Variants in ZNF765 observed in about 807,000 individuals in gnomAD.
ZNF765 encodes the protein zinc finger protein 765.
ZNF765 carries 37 observed loss-of-function variants against 44.7 expected under a neutral mutation model. The observed-to-expected ratio is 0.83, with a 90% confidence interval of 0.64 to 1.09. ZNF765 has a LOEUF of 1.09. ZNF765 is among the 50% of genes least tolerant of loss of function. The pLI, the probability that ZNF765 is intolerant of heterozygous loss-of-function variation, is 0.00. For synonymous variants in ZNF765, 201 were observed against 213.7 expected, an observed-to-expected ratio of 0.94 and a Z score of 0.52; for missense variants, 594 against 626.1, an observed-to-expected ratio of 0.95 and a Z score of 0.55.
At position 53,410,539 on chromosome 19, in the gene ZNF765, C is replaced by T. The variant is rs1235512561; in HGVS notation, c.*1412C>T. On this transcript the variant is annotated 3_prime_UTR_variant, in exon 4 of 4. Coordinates refer to ENST00000396408, the MANE Select transcript of ZNF765 (RefSeq NM_001040185.3). ...ATGAATGTGACAGGTCTTTAGTGGGCAGTCAACACTTGTTTACCATCAGGC... is the reference window on the plus strand; with the variant it reads ...ATGAATGTGACAGGTCTTTAGTGGGTAGTCAACACTTGTTTACCATCAGGC... The T allele has an allele frequency of 2.4e-5, 10 of 414,702 alleles. No homozygotes were observed. Among genetic ancestry groups the T allele is most frequent in the Non-Finnish European group, 4.8e-5 (10 of 206,524 alleles). 25.7% of individuals were successfully genotyped at this position (414,702 alleles called of 1,614,324 possible).
chr19:53,409,417 A>C lies in ZNF765; in HGVS notation c.*290A>C. 1.2e-6 allele frequency: 1 copy of C among 844,814 alleles called. No individual in the cohort carries two copies. The highest frequency in any genetic ancestry group is 2.1e-6 in the Non-Finnish European group (1 of 484,826). 52.3% of individuals were successfully genotyped at this position (844,814 alleles called of 1,614,324 possible). On this transcript the variant is annotated 3_prime_UTR_variant, in exon 4 of 4. Transcript: ENST00000396408. ...TTTCTGTTTCAAATCCAACCTTGAA[A>C]GACATAGGAGAATTCACACTGGTGA...
chr19:53,412,205 T>C (rs1200237019), downstream of ZNF765, among the ~76,000 whole-genome samples: 1 of 152,244 alleles, frequency 6.6e-6, no homozygotes, highest in Non-Finnish European at 1.5e-5. Context: ...ATTTCCTTTC[T>C]ATCTATTTTG....
At chr19:53,397,075 T>G (rs2708718) in intron 1 of ZNF765, among the ~76,000 whole-genome samples, 4 of 152,262 alleles carry the variant, frequency 2.6e-5, no homozygotes, top group Admixed American at 6.5e-5. Context: ...AAAACCAGCC[T>G]CTAAAGAGGG....
Position 53,409,574 on chromosome 19 carries a change from C to G in ZNF765, c.*447C>G. 1.4e-6 allele frequency: 2 copies of G among 1,414,024 alleles called. No homozygotes were observed. The highest frequency in any genetic ancestry group is 1.0e-6 in the Non-Finnish European group (1 of 1,004,412). 87.6% of individuals were successfully genotyped at this position (1,414,024 alleles called of 1,614,324 possible). A position where few individuals can be genotyped will look rare whatever the true frequency, so the allele number is the denominator to read the frequency against. ...TTTGAGTTTTCCATTTCAAATCAAACCTTGAAAGACAAAGGAGAATTCATA... is the reference window on the plus strand; with the variant it reads ...TTTGAGTTTTCCATTTCAAATCAAAGCTTGAAAGACAAAGGAGAATTCATA... On this transcript the variant is annotated 3_prime_UTR_variant, in exon 4 of 4. Transcript: ENST00000396408.
chr19:53,401,891 G>T, intron 2 of ZNF765, 174 bp from the exon 3 acceptor site: 7 of 1,368,138 alleles, frequency 5.1e-6, no homozygotes, highest in East Asian at 2.4e-5. Context: ...AAAAAAAAAA[G>T]AACTTTAGTA....
rs1447036658 is a variant in ZNF765, at chr19:53,408,240, C to G, written c.685C>G (p.Leu229Val). ...DSGKAYNCSSLLRKHQLIHLG... is the reference protein window; with the variant it reads ...DSGKAYNCSSVLRKHQLIHLG... ...TGGCAAAGCCTATAATTGTAGCTCA[C>G]TCTTAAGGAAACATCAGTTAATCCA... The change falls in exon 4 of 4, where the codon CTC becomes GTC. Residue 229 changes from leucine to valine, a missense_variant. By Grantham distance (32) the Leu-to-Val change is conservative. Around this residue, in one of 2 missense-constraint regions of ZNF765, gnomAD observed 567 missense variants for 572.6 expected, o/e 0.99. Transcript: ENST00000396408. The G allele has an allele frequency of 6.2e-7, 1 of 1,614,224 alleles. No individual in the cohort carries two copies. The highest frequency in any genetic ancestry group is 2.2e-5 in the East Asian group (1 of 44,882).
At chr19:53,400,507 G>A (rs1568775043) in intron 2 of ZNF765, among the ~76,000 whole-genome samples, 3 of 151,988 alleles carry the variant, frequency 2.0e-5, no homozygotes, top group South Asian at 4.1e-4. Context: ...AACTGCCAAT[G>A]TATCCTTTTG....
exon 4 of ZNF765, chr19:53,425,527 G>C (rs1463944608): frequency 6.6e-6 from 1 of 152,268 alleles, no homozygotes. Flanking sequence ...TCTCAGGCTG[G>C]TCTCAAACTC....
At chr19:53,418,297 C>G (rs1568787939) in intron 3 of ZNF765, among the ~76,000 whole-genome samples, 1 of 151,832 alleles carries the variant, frequency 6.6e-6, no homozygotes, top group Non-Finnish European at 1.5e-5. Flanking sequence ...GCTATTCGGG[C>G]CACTGCATTC....
chr19:53,400,374 A>G (rs1050222500), intron 2 of ZNF765, among the ~76,000 whole-genome samples: 1 of 152,058 alleles, frequency 6.6e-6, no homozygotes, highest in African/African-American at 2.4e-5. Context: ...GCCTCTGTGC[A>G]CACCCGCGTT....
chr19:53,403,626 C>G (rs1453329168), intron 3 of ZNF765, among the ~76,000 whole-genome samples: 1 of 152,162 alleles, frequency 6.6e-6, no homozygotes, highest in African/African-American at 2.4e-5. Context: ...GGCAAATCAC[C>G]TGAGGTCAGG....
intron 1 of ZNF765, among the ~76,000 whole-genome samples, chr19:53,396,038 T>C (rs1382716291): frequency 6.9e-6 from 1 of 145,594 alleles, no homozygotes; most frequent in South Asian, 2.1e-4. Flanking sequence ...TGGAGAAATG[T>C]AGAGAAAAGG....
Position 53,400,783 on chromosome 19 carries a change from T to TATATATATATATATATATATAC in ZNF765, c.16-1281_16-1280insTATATATATATATATATATACA, listed in dbSNP as rs10664389. On this transcript the variant is annotated intron_variant, in intron 2 of 3. Coordinates refer to ENST00000396408, the MANE Select transcript of ZNF765 (RefSeq NM_001040185.3). ...GTTGACATATATATATATATATATA[T>TATATATATATATATATATATAC]ACACACATACATAAAATGGATTTTC... Among the ~76,000 whole-genome samples the TATATATATATATATATATATAC allele has an allele frequency of 6.0e-3, 764 of 126,566 alleles. 4 individuals carry two copies. Among genetic ancestry groups the TATATATATATATATATATATAC allele is most frequent in the Non-Finnish European group, 9.9e-3 (598 of 60,682 alleles). The allele number at this position is 126,566 out of a possible 152,430, so 83.0% of individuals were successfully genotyped here.
At chr19:53,401,391 G>A (rs111332626) in intron 2 of ZNF765, among the ~76,000 whole-genome samples, 7,767 of 151,886 alleles carry the variant, frequency 0.051, 224 homozygotes, top group African/African-American at 0.076. Context: ...GTGAAACCCC[G>A]TCTCTACTAA....
In ZNF765 at chr19:53,405,332, A is replaced by G. The variant is rs574814050; in HGVS notation, c.143-2366A>G. Among the ~76,000 whole-genome samples the G allele has an allele frequency of 2.6e-5, 4 of 152,268 alleles. No homozygotes were observed. In the South Asian group the frequency reaches 6.2e-4, roughly 24 times the overall value. The stretch of plus-strand genomic sequence containing the variant: ...GCCCCACTACACTCCAGTCCAGGCA[A>G]CAAAGTAAGACTCCGGGCTGAGGTG... On this transcript the variant is annotated intron_variant, in intron 3 of 3. Coordinates refer to ENST00000396408, the MANE Select transcript of ZNF765 (RefSeq NM_001040185.3).
At chr19:53,423,479 G>A (rs1023519717) in exon 4 of ZNF765, 11 of 473,966 alleles carry the variant, frequency 2.3e-5, no homozygotes, top group Non-Finnish European at 3.6e-5. Flanking sequence ...CCCTGAGTCC[G>A]GAGCTACCAA....
At chr19:53,423,229 T>C in exon 4 of ZNF765, 1 of 691,910 alleles carries the variant, frequency 1.4e-6, no homozygotes, top group Non-Finnish European at 2.6e-6. Flanking sequence ...ATCATTGTTC[T>C]CATGCACGTG....
At chr19:53,414,739 A>T (rs1383367396), downstream of ZNF765, among the ~76,000 whole-genome samples, 1 of 147,616 alleles carries the variant, frequency 6.8e-6, no homozygotes, top group African/African-American at 2.5e-5. Flanking sequence ...TCTTGGGGAG[A>T]ATGTGCAGTC....
chr19:53,395,686 T>TC (rs2085660803), intron 1 of ZNF765, among the ~76,000 whole-genome samples: 2 of 152,200 alleles, frequency 1.3e-5, no homozygotes, highest in Admixed American at 1.3e-4. Context: ...GCTCCCCAGG[T>TC]TCGCCTCCAC....
Sources: allele counts gnomAD v4.1 joint callset (sites outside exome capture counted in the v4.1 genomes callset), GRCh38; gene constraint gnomAD v4.1.1; regional missense constraint gnomAD v4.1.1; transcripts MANE v1.5; gene names NCBI Gene and HGNC (gene_info 2026-07-23, HGNC 2026-07-21).